The following KAZN variants were observed in gnomAD, a reference collection of about 807,000 sequenced individuals.
The protein encoded by KAZN is kazrin.
A neutral mutation model predicts 87.4 loss-of-function variants in KAZN; 40 were observed. The observed-to-expected ratio is 0.46, with a 90% CI of 0.36 to 0.60. The LOEUF is 0.60. KAZN is among the 20% of genes least tolerant of loss of function. The probability of loss-of-function intolerance (pLI) is 0.00; values close to 1 mark genes in which losing one functional copy is unlikely to be tolerated. For synonymous variants in KAZN, 466 were observed against 458.3 expected (o/e 1.02, Z -0.22); for missense variants, 898 against 1,073.9 (o/e 0.84, Z 2.29).
rs188129735 is a variant in KAZN at position 14,442,737 on chromosome 1, G to T, written c.250-156246G>T. Among the ~76,000 whole-genome samples, 4 of 152,280 alleles carry T rather than the reference G, an allele frequency of 2.6e-5. No homozygotes were observed. The East Asian group carries it at 7.7e-4, about 29-fold the overall frequency. On this transcript the variant is annotated intron_variant, in intron 2 of 16. Coordinates refer to the KAZN transcript ENST00000636203. ...TTGGGGGCTGAAACTTTCTTGTTAGGACACTACAAAAATCCCTGTTGGCCT... is the reference window on the plus strand; with the variant it reads ...TTGGGGGCTGAAACTTTCTTGTTAGTACACTACAAAAATCCCTGTTGGCCT...
In KAZN at chr1:14,629,090, G is replaced by A. The variant is rs181145624; in HGVS notation, c.226+29867G>A. ...TTGAACTCCTGACCTCAGGCGATCC[G>A]CCTGTCTTAGCCTCCCAAAGTGCTT... On this transcript the variant is annotated intron_variant, in intron 1 of 14. Transcript: ENST00000376030. 1.2e-4 allele frequency among the ~76,000 whole-genome samples: 18 copies of A among 152,088 alleles called. 1 individual carries two copies. Among genetic ancestry groups the A allele is most frequent in the Admixed American group, 7.2e-4 (11 of 15,288 alleles).
intron 2 of KAZN, among the ~76,000 whole-genome samples, chr1:14,375,616 G>A (rs1294394392): frequency 6.6e-6 from 1 of 152,144 alleles, no homozygotes; most frequent in Non-Finnish European, 1.5e-5. Context: ...GCTGGGCACG[G>A]TGGCTCACAC....
chr1:14,439,724 A>G (rs1272078576), intron 2 of KAZN, among the ~76,000 whole-genome samples: 3 of 152,246 alleles, frequency 2.0e-5, no homozygotes, highest in Admixed American at 2.0e-4. Flanking sequence ...CATATTGGAC[A>G]GTGCAGGCCT....
intron 2 of KAZN, among the ~76,000 whole-genome samples, chr1:14,992,853 A>G (rs1191632082): frequency 1.3e-5 from 2 of 152,032 alleles, no homozygotes; most frequent in Non-Finnish European, 2.9e-5. Context: ...CATGTTGGCC[A>G]GACTGGTCTC....
At chr1:14,749,281 T>C (rs1644347548) in intron 1 of KAZN, among the ~76,000 whole-genome samples, 1 of 152,218 alleles carries the variant, frequency 6.6e-6, no homozygotes, top group African/African-American at 2.4e-5. Flanking sequence ...TAATTTGATG[T>C]TCCAGGTGGA....
At chr1:13,931,871 T>G (rs1199423745) in intron 1 of KAZN, among the ~76,000 whole-genome samples, 2 of 152,190 alleles carry the variant, frequency 1.3e-5, no homozygotes, top group African/African-American at 4.8e-5. Flanking sequence ...GGAGTCTCGC[T>G]CTATTGCCCA....
rs969934822 is a variant in KAZN, at chr1:14,445,855, C to A, written c.250-153128C>A. The stretch of plus-strand genomic sequence containing the variant: ...CTAGCGCAGGCTCCCAGGGTTCCCG[C>A]CAGCAGGGAGAAAACCCTTACGCTG... On this transcript the variant is annotated intron_variant, in intron 2 of 16. Coordinates refer to the KAZN transcript ENST00000636203. 4.6e-5 allele frequency among the ~76,000 whole-genome samples: 7 copies of A among 152,166 alleles called. 1 individual carries two copies. The highest frequency in any genetic ancestry group is 1.3e-4 in the Admixed American group (2 of 15,290).
chr1:14,678,963 C>T (rs549896197), intron 1 of KAZN, among the ~76,000 whole-genome samples: 59 of 152,272 alleles, frequency 3.9e-4, no homozygotes, highest in African/African-American at 1.2e-3. Flanking sequence ...ATCCCAAAAA[C>T]GTATAATTAC....
At chr1:14,452,183 G>A (rs1400630649) in intron 2 of KAZN, among the ~76,000 whole-genome samples, 1 of 152,064 alleles carries the variant, frequency 6.6e-6, no homozygotes, top group African/African-American at 2.4e-5. Context: ...CAGGTGATCT[G>A]CCCACCTCGG....
intron 1 of KAZN, among the ~76,000 whole-genome samples, chr1:14,783,547 A>T (rs1346461626): frequency 6.6e-6 from 1 of 152,106 alleles, no homozygotes; most frequent in Non-Finnish European, 1.5e-5. Context: ...GACCCTAGAG[A>T]TAAGAGGTGA....
rs527806020 is a variant in KAZN, at chr1:14,867,719, A to G, written c.227-92965A>G. Reference sequence around the variant, plus strand: ...GTCTCTGCTTTACTCGGTGTCTTTGAAGACACCCCCCCCCCCACCCTGGGC... The same window carrying G: ...GTCTCTGCTTTACTCGGTGTCTTTGGAGACACCCCCCCCCCCACCCTGGGC... On this transcript the variant is annotated intron_variant, in intron 1 of 14. Transcript: ENST00000376030. 7.3e-4 allele frequency among the ~76,000 whole-genome samples: 77 copies of G among 105,862 alleles called. 2 individuals are homozygous for G. In the South Asian group the frequency reaches 0.033, roughly 45 times the overall value. 69.4% of individuals were successfully genotyped at this position (105,862 alleles called of 152,430 possible).
rs771083677 is a variant in KAZN, at chr1:15,034,836, G to T, written c.506G>T (p.Arg169Leu). Residue 169 changes from arginine to leucine, a missense_variant, in exon 3 of 15, where the codon CGC becomes CTC. By Grantham distance (102) the Arg-to-Leu change is moderately radical. Transcript: ENST00000376030. ...CAGCTGTATGCCACACTGGAGAGCC[G>T]CGAGGAGCAGCTCCGAGACTTCATC... Reference protein sequence around the residue: ...MQQLYATLESREEQLRDFIRN... With the variant: ...MQQLYATLESLEEQLRDFIRN... The T allele has an allele frequency of 1.2e-6, 2 of 1,614,012 alleles. No homozygotes were observed. The highest frequency in any genetic ancestry group is 1.1e-5 in the South Asian group (1 of 91,064).
intron 2 of KAZN, among the ~76,000 whole-genome samples, chr1:14,495,695 C>T (rs1669903076): frequency 6.6e-6 from 1 of 152,112 alleles, no homozygotes; most frequent in African/African-American, 2.4e-5. Flanking sequence ...GAAGTAGCCT[C>T]GGGAAATCAG....
At chr1:14,121,953 G>A (rs1275417525) in intron 1 of KAZN, among the ~76,000 whole-genome samples, 1 of 152,176 alleles carries the variant, frequency 6.6e-6, no homozygotes, top group Admixed American at 6.5e-5. Context: ...GGAGCAGCAG[G>A]GAAGCCAGCG....
intron 2 of KAZN, among the ~76,000 whole-genome samples, chr1:14,272,968 A>G (rs1652066665): frequency 6.6e-6 from 1 of 152,206 alleles, no homozygotes; most frequent in Admixed American, 6.5e-5. Flanking sequence ...GAGGAATAAG[A>G]GATCACTAAT....
chr1:14,077,150 G>T (rs1217411070), intron 1 of KAZN, among the ~76,000 whole-genome samples: 1 of 152,142 alleles, frequency 6.6e-6, no homozygotes, highest in Non-Finnish European at 1.5e-5. Context: ...CTCAGCCTCT[G>T]TGTTACATGG....
In KAZN at chr1:14,461,342, G is replaced by T. The variant is rs187987369; in HGVS notation, c.250-137641G>T. On this transcript the variant is annotated intron_variant, in intron 2 of 16. Transcript: ENST00000636203. ...GATTGAATCATGGGGGGCAGTTCCCGCATACTGTTCTGTGGTGGTGAATAA... is the reference window on the plus strand; with the variant it reads ...GATTGAATCATGGGGGGCAGTTCCCTCATACTGTTCTGTGGTGGTGAATAA... 2.7e-3 allele frequency among the ~76,000 whole-genome samples: 407 copies of T among 152,180 alleles called. 3 individuals are homozygous for T. Among genetic ancestry groups the T allele is most frequent in the Non-Finnish European group, 8.5e-4 (58 of 68,014 alleles).
chr1:13,926,418 G>C (rs1267395441), intron 1 of KAZN, among the ~76,000 whole-genome samples: 2 of 152,122 alleles, frequency 1.3e-5, no homozygotes, highest in Non-Finnish European at 2.9e-5. Flanking sequence ...TCCATGTTTA[G>C]GACAAGAATG....
In KAZN at chr1:15,103,475, G is replaced by A. The variant is rs143498588; in HGVS notation, c.1881+15G>A. The A allele has an allele frequency of 2.9e-5, 45 of 1,528,168 alleles. No homozygotes were observed. In the African/African-American group the frequency reaches 4.5e-4, roughly 15 times the overall value. The allele number at this position is 1,528,168 out of a possible 1,614,324, so 94.7% of individuals were successfully genotyped here. A position where few individuals can be genotyped will look rare whatever the true frequency, so the allele number is the denominator to read the frequency against. On this transcript the variant is annotated intron_variant, in intron 12 of 14. Transcript: ENST00000376030. ...TCGACCTGAAGGTGAGGGTGATAGC[G>A]GAGGTCGGGGTGACTCTCGGGCATA... is the stretch of plus-strand genomic sequence containing the variant.
Sources: gnomAD v4.1 joint callset for allele counts (sites outside exome capture counted in the v4.1 genomes callset) on GRCh38, gnomAD v4.1.1 for gene constraint, MANE v1.5 for transcripts, NCBI Gene and HGNC (gene_info 2026-07-23, HGNC 2026-07-21) for gene names.